VWC2: variants seen among roughly 807,000 people sequenced by gnomAD.
The protein encoded by VWC2 is von Willebrand factor C domain containing 2.
Under a neutral mutation model 29.8 loss-of-function variants are expected in VWC2, and 14 were observed. The observed-to-expected ratio is 0.47, with a 90% CI of 0.31 to 0.74. The LOEUF (loss-of-function observed/expected upper bound fraction) is 0.74. Among genes scored for constraint, VWC2 ranks in the 30% least tolerant of loss-of-function variants. The pLI is 0.05. For synonymous variants in VWC2, 213 were observed against 199.0 expected, an observed-to-expected ratio of 1.07 and a Z score of -0.59; for missense variants, 457 against 459.8, an observed-to-expected ratio of 0.99 and a Z score of 0.05.
At chr7:49,854,366 C>T (rs1306127300) in intron 3 of VWC2, among the ~76,000 whole-genome samples, 1 of 152,178 alleles carries the variant, frequency 6.6e-6, no homozygotes, top group African/African-American at 2.4e-5. Context: ...ACATCCTCTC[C>T]AGCACCTGTT....
At chr7:49,863,805 A>G (rs1285446474) in intron 3 of VWC2, among the ~76,000 whole-genome samples, 1 of 152,138 alleles carries the variant, frequency 6.6e-6, no homozygotes, top group Non-Finnish European at 1.5e-5. Flanking sequence ...CCTTGGGTTT[A>G]GTGTGCTCTC....
At chr7:49,884,649 A>T (rs949089961) in intron 3 of VWC2, among the ~76,000 whole-genome samples, 2 of 152,166 alleles carry the variant, frequency 1.3e-5, no homozygotes, top group African/African-American at 4.8e-5. Context: ...AGGACAGTTG[A>T]GCTGGTTTCC....
intron 3 of VWC2, among the ~76,000 whole-genome samples, chr7:49,853,100 G>A (rs1416272248): frequency 6.6e-6 from 1 of 152,244 alleles, no homozygotes; most frequent in Admixed American, 6.5e-5. Flanking sequence ...GCAGGCTGAA[G>A]GCAGGCTCCC....
At chr7:49,849,335 G>T (rs192693912) in intron 3 of VWC2, among the ~76,000 whole-genome samples, 1 of 152,294 alleles carries the variant, frequency 6.6e-6, no homozygotes, top group African/African-American at 2.4e-5. Flanking sequence ...TGAACTGGCT[G>T]GGGGCAGCAC....
chr7:49,783,272 G>A (rs1788217348), intron 2 of VWC2, among the ~76,000 whole-genome samples: 1 of 152,094 alleles, frequency 6.6e-6, no homozygotes, highest in Non-Finnish European at 1.5e-5. Context: ...CCAGGAGACA[G>A]GCAGCAGTAG....
intron 3 of VWC2, among the ~76,000 whole-genome samples, chr7:49,830,586 G>GT (rs1789502954): frequency 6.6e-6 from 1 of 152,128 alleles, no homozygotes; most frequent in Non-Finnish European, 1.5e-5. Flanking sequence ...TGTTACATAT[G>GT]TATACTTGTG....
At chr7:49,862,316 A>G (rs748010033) in intron 3 of VWC2, among the ~76,000 whole-genome samples, 59 of 152,126 alleles carry the variant, frequency 3.9e-4, no homozygotes, top group Admixed American at 1.1e-3. Flanking sequence ...TTGTGTGTCA[A>G]TCTTGTAACC....
chr7:49,902,275 C>T (rs1449445629), intron 3 of VWC2, among the ~76,000 whole-genome samples: 1 of 151,672 alleles, frequency 6.6e-6, no homozygotes, highest in Non-Finnish European at 1.5e-5. Context: ...AAAACATTTG[C>T]AAAAGACATA....
At chr7:49,793,149 G>T (rs926268376) in intron 2 of VWC2, among the ~76,000 whole-genome samples, 1 of 152,202 alleles carries the variant, frequency 6.6e-6, no homozygotes, top group Admixed American at 6.5e-5. Context: ...GAGGTGATCA[G>T]TGGGATTTGG....
chr7:49,774,416 G>T (rs1291612715), intron 1 of VWC2, among the ~76,000 whole-genome samples: 1 of 152,226 alleles, frequency 6.6e-6, no homozygotes, highest in Non-Finnish European at 1.5e-5. Context: ...CTGGATTGCC[G>T]GTGTCCTGCG....
At chr7:49,900,079 C>G (rs1278906218) in intron 3 of VWC2, among the ~76,000 whole-genome samples, 2 of 151,056 alleles carry the variant, frequency 1.3e-5, no homozygotes, top group Non-Finnish European at 3.0e-5. Context: ...ACACATGGAG[C>G]CTAGAAGTCT....
chr7:49,821,517 GCTA>G (rs2128709550), intron 3 of VWC2, among the ~76,000 whole-genome samples: 1 of 152,222 alleles, frequency 6.6e-6, no homozygotes, highest in East Asian at 1.9e-4. Flanking sequence ...AACAAATCCT[GCTA>G]CTACATTGAC....
At chr7:49,836,234 C>T (rs1789654397) in intron 3 of VWC2, among the ~76,000 whole-genome samples, 1 of 152,058 alleles carries the variant, frequency 6.6e-6, no homozygotes, top group South Asian at 2.1e-4. Flanking sequence ...TTTCTACTAA[C>T]ATGAACTAAG....
At chr7:49,846,814 C>T (rs185910572) in intron 3 of VWC2, among the ~76,000 whole-genome samples, 6 of 152,272 alleles carry the variant, frequency 3.9e-5, no homozygotes, top group Admixed American at 2.6e-4. Flanking sequence ...TGTAAATTTC[C>T]CCAGCCTCAT....
intron 2 of VWC2, among the ~76,000 whole-genome samples, chr7:49,776,840 G>A (rs1430280380): frequency 6.6e-6 from 1 of 152,174 alleles, no homozygotes; most frequent in Non-Finnish European, 1.5e-5. Context: ...ATTATCCATT[G>A]TCTCCATGTT....
At chr7:49,810,574 A>G (rs1215561912) in intron 3 of VWC2, among the ~76,000 whole-genome samples, 1 of 152,158 alleles carries the variant, frequency 6.6e-6, no homozygotes, top group African/African-American at 2.4e-5. Flanking sequence ...AGCCAAAAGA[A>G]ATTTTTAAAA....
intron 3 of VWC2, among the ~76,000 whole-genome samples, chr7:49,836,852 G>T (rs1789678654): frequency 1.3e-5 from 2 of 152,116 alleles, no homozygotes; most frequent in South Asian, 2.1e-4. Context: ...TTAGTAAGTT[G>T]TATCATATAT....
intron 3 of VWC2, among the ~76,000 whole-genome samples, chr7:49,821,021 T>C (rs576601672): frequency 6.6e-6 from 1 of 152,254 alleles, no homozygotes; most frequent in African/African-American, 2.4e-5. Context: ...CCGCCCAGGA[T>C]GCTGAATGAA....
intron 2 of VWC2, among the ~76,000 whole-genome samples, chr7:49,788,895 TGA>T (rs1788376903): frequency 7.7e-6 from 1 of 129,796 alleles, no homozygotes; most frequent in Admixed American, 7.8e-5. Context: ...GTGTGTGGAG[TGA>T]GTGTGGGTGT....
Sources: gnomAD v4.1 joint callset for allele counts (sites outside exome capture counted in the v4.1 genomes callset) on GRCh38, gnomAD v4.1.1 for gene constraint, MANE v1.5 for transcripts, NCBI Gene and HGNC (gene_info 2026-07-23, HGNC 2026-07-21) for gene names.